The following UBE2F variants were observed in gnomAD, a reference collection of about 807,000 sequenced individuals.
UBE2F encodes the protein ubiquitin conjugating enzyme E2 F (putative), also known as NEDD8-conjugating enzyme UBE2F.
A neutral mutation model predicts 29.6 loss-of-function variants in UBE2F; 5 were observed. The observed-to-expected ratio is 0.17, with a 90% CI of 0.09 to 0.36. UBE2F has a LOEUF of 0.36. Among genes scored for constraint, UBE2F ranks in the 10% least tolerant of loss-of-function variants. The probability of loss-of-function intolerance (pLI) is 1.00; values close to 1 mark genes in which losing one functional copy is unlikely to be tolerated. For missense variants in UBE2F, 141 were observed against 228.5 expected, an observed-to-expected ratio of 0.62 and a Z score of 2.47; for synonymous variants, 66 against 81.8, an observed-to-expected ratio of 0.81 and a Z score of 1.04.
chr2:238,035,699 A>T, intron 8 of UBE2F, 179 bp from the exon 9 acceptor site: 1 of 558,284 alleles, frequency 1.8e-6, no homozygotes, highest in Non-Finnish European at 3.2e-6. Context: ...TTTGAAAAAA[A>T]TACCCACATG....
At chr2:238,023,817 G>A (rs1053324620) in intron 5 of UBE2F, among the ~76,000 whole-genome samples, 4 of 152,150 alleles carry the variant, frequency 2.6e-5, no homozygotes, top group African/African-American at 4.8e-5. Context: ...TGGGGTTGGC[G>A]GGCGGGGTGT....
chr2:237,990,349 T>C (rs1195032477), intron 3 of UBE2F: 1 of 445,772 alleles, frequency 2.2e-6, no homozygotes, highest in Admixed American at 2.7e-5. Context: ...TGCTTTCCAG[T>C]CCCATCTTAT....
intron 4 of UBE2F, among the ~76,000 whole-genome samples, chr2:238,005,065 T>G (rs2063872736): frequency 6.6e-6 from 1 of 152,234 alleles, no homozygotes; most frequent in Admixed American, 6.5e-5. Flanking sequence ...ATAATAAATT[T>G]GTATTGTTCA....
At chr2:237,977,179 C>T (rs1048960921) in intron 2 of UBE2F, among the ~76,000 whole-genome samples, 6 of 151,990 alleles carry the variant, frequency 3.9e-5, no homozygotes, top group Admixed American at 3.9e-4. Flanking sequence ...CAGGGCCCAG[C>T]TGAGGTTCTC....
At chr2:238,028,883 A>G (rs1350145828) in intron 6 of UBE2F, 2 of 152,186 alleles carry the variant, frequency 1.3e-5, no homozygotes, top group Non-Finnish European at 2.9e-5. Context: ...CAAATACAAA[A>G]GTAATTTTAT....
intron 5 of UBE2F, among the ~76,000 whole-genome samples, chr2:238,017,894 C>A (rs2106385565): frequency 6.6e-6 from 1 of 152,250 alleles, no homozygotes; most frequent in African/African-American, 2.4e-5. Context: ...CCCCCCAACC[C>A]CAGCCACTGG....
rs940425754 is a variant in UBE2F at position 238,040,659 on chromosome 2, G to A, written c.508-629G>A. Among the ~76,000 whole-genome samples, 38 of 152,154 alleles carry A rather than the reference G, an allele frequency of 2.5e-4. No homozygotes were observed. Among genetic ancestry groups the A allele is most frequent in the African/African-American group, 7.7e-4 (32 of 41,430 alleles). On this transcript the variant is annotated intron_variant, in intron 9 of 9. Transcript: ENST00000272930. This position sits in a 1 kb window ranked among gnomAD's most constrained non-coding sequence, Gnocchi z 4.4. ...ACAAACCTGACAGTGGCCCAGATCC[G>A]AGAAGATTGTTCCACCCATACTGGC...
chr2:238,033,089 GC>G (rs1221835148), intron 8 of UBE2F, among the ~76,000 whole-genome samples: 1 of 152,212 alleles, frequency 6.6e-6, no homozygotes, highest in African/African-American at 2.4e-5. Context: ...CCAGGGAGTG[GC>G]CCTGTCACCT....
intron 2 of UBE2F, among the ~76,000 whole-genome samples, chr2:237,976,119 G>C (rs1335301884): frequency 6.6e-6 from 1 of 152,246 alleles, no homozygotes; most frequent in Non-Finnish European, 1.5e-5. Context: ...TACCCTAAGA[G>C]GCCCAGAGGG....
At chr2:237,973,880 C>T (rs1024185946) in intron 2 of UBE2F, 1 of 256,546 alleles carries the variant, frequency 3.9e-6, no homozygotes, top group Non-Finnish European at 6.6e-6. Flanking sequence ...TTAAAATTTT[C>T]AAGTGCTTTG....
chr2:237,968,921 GC>G (rs1215000248), intron 1 of UBE2F: 10 of 816,128 alleles, frequency 1.2e-5, no homozygotes, highest in Non-Finnish European at 1.5e-5. Context: ...TATTCAGCTA[GC>G]CTCTTGACAG....
intron 3 of UBE2F, among the ~76,000 whole-genome samples, chr2:237,991,391 C>G (rs1016007422): frequency 2.6e-5 from 4 of 152,036 alleles, no homozygotes; most frequent in African/African-American, 9.7e-5. Flanking sequence ...AGTAACTATT[C>G]GGAACTAGTT....
In UBE2F at chr2:238,040,244, A is replaced by G. The variant is rs896248899; in HGVS notation, c.508-1044A>G. Among the ~76,000 whole-genome samples, 4 of 152,250 alleles carry G rather than the reference A, an allele frequency of 2.6e-5. No homozygotes were observed. The highest frequency in any genetic ancestry group is 6.5e-5 in the Admixed American group (1 of 15,288). On this transcript the variant is annotated intron_variant, in intron 9 of 9. Coordinates refer to ENST00000272930, the MANE Select transcript of UBE2F (RefSeq NM_080678.3). This position sits in a 1 kb window ranked among gnomAD's most constrained non-coding sequence, Gnocchi z 4.4. Reference sequence around the variant, plus strand: ...ACCTGGTGCCCAGCTGGCCAGGACCATGCTCCAGGCAGGATCTCCCTGCAA... The same window carrying G: ...ACCTGGTGCCCAGCTGGCCAGGACCGTGCTCCAGGCAGGATCTCCCTGCAA...
At chr2:238,011,569 G>A (rs1233906476) in intron 4 of UBE2F, among the ~76,000 whole-genome samples, 1 of 152,234 alleles carries the variant, frequency 6.6e-6, no homozygotes. Flanking sequence ...AACTATTTGT[G>A]TAATGAATAA....
intron 1 of UBE2F, among the ~76,000 whole-genome samples, chr2:237,969,599 A>G (rs957371568): frequency 2.6e-5 from 4 of 152,072 alleles, no homozygotes; most frequent in Admixed American, 6.6e-5. Flanking sequence ...GGATGGATGC[A>G]CGTCTTGGTC....
chr2:237,978,080 C>T (rs1049056082), intron 2 of UBE2F, among the ~76,000 whole-genome samples: 1 of 152,184 alleles, frequency 6.6e-6, no homozygotes, highest in African/African-American at 2.4e-5. Context: ...CAAGCACAAG[C>T]ACAGCCCTTC....
At chr2:237,992,830 C>T (rs4663823) in intron 3 of UBE2F, among the ~76,000 whole-genome samples, 127,456 of 152,192 alleles carry the variant, frequency 0.84, 53,490 homozygotes, top group East Asian at 0.97. Context: ...GTCCTGTTTT[C>T]GATAAAAATT....
rs770207100 is a variant in UBE2F at position 238,040,302 on chromosome 2, G to A, written c.508-986G>A. ...TCGCGGCAGCAGCGAGGTATACATC[G>A]AGTGCCAGGTTATACCCTGCACATT... is the stretch of plus-strand genomic sequence containing the variant. On this transcript the variant is annotated intron_variant, in intron 9 of 9. Transcript: ENST00000272930. This position sits in a 1 kb window ranked among gnomAD's most constrained non-coding sequence, Gnocchi z 4.4. Among the ~76,000 whole-genome samples, 3 of 152,230 alleles carry A rather than the reference G, an allele frequency of 2.0e-5. No homozygotes were observed. The highest frequency in any genetic ancestry group is 2.0e-4 in the Admixed American group (3 of 15,292).
At chr2:238,017,773 G>T (rs376084019) in intron 5 of UBE2F, among the ~76,000 whole-genome samples, 21 of 152,260 alleles carry the variant, frequency 1.4e-4, no homozygotes, top group African/African-American at 5.1e-4. Flanking sequence ...TGATGGTGCT[G>T]CCAGAGAAAA....
Sources: allele counts gnomAD v4.1 joint callset (sites outside exome capture counted in the v4.1 genomes callset), GRCh38; gene constraint gnomAD v4.1.1; non-coding constraint Gnocchi (gnomAD v3.1); transcripts MANE v1.5; gene names NCBI Gene and HGNC (gene_info 2026-07-23, HGNC 2026-07-21).